The following TMEM132D variants were observed in gnomAD, a reference collection of about 807,000 sequenced individuals.
TMEM132D encodes the protein transmembrane protein 132D, also known as mature OL transmembrane protein.
A neutral mutation model predicts 62.3 loss-of-function variants in TMEM132D; 21 were observed. The observed-to-expected ratio is 0.34, with a 90% CI of 0.24 to 0.49. The LOEUF (loss-of-function observed/expected upper bound fraction) is 0.49, where lower values mean the gene tolerates loss of function less well. Among genes scored for constraint, TMEM132D ranks in the 20% least tolerant of loss-of-function variants. The pLI, the probability that TMEM132D is intolerant of heterozygous loss-of-function variation, is 0.99. For synonymous variants in TMEM132D, 621 were observed against 575.6 expected (o/e 1.08, Z -1.13); for missense variants, 1,346 against 1,402.8 (o/e 0.96, Z 0.65).
At position 129,156,903 on chromosome 12, in the gene TMEM132D, G is replaced by A. The variant is rs919496875; in HGVS notation, c.1443+52617C>T. Among the ~76,000 whole-genome samples the A allele has an allele frequency of 4.6e-5, 7 of 151,850 alleles. No individual in the cohort carries two copies. The East Asian group carries it at 1.4e-3, about 29-fold the overall frequency. On this transcript the variant is annotated intron_variant, in intron 5 of 8. Coordinates refer to ENST00000422113, the MANE Select transcript of TMEM132D (RefSeq NM_133448.3). ...CCTGAGATAAATAACCCACTCCTGA[G>A]ATCATTAACACACTCCCCAAATAAC...
At chr12:129,325,997 C>G (rs79859453) in intron 4 of TMEM132D, among the ~76,000 whole-genome samples, 1 of 152,134 alleles carries the variant, frequency 6.6e-6, no homozygotes, top group East Asian at 1.9e-4. Flanking sequence ...GGAGGCCCCC[C>G]GGGACTCTGA....
chr12:129,513,798 T>TTTTA (rs1225923627), intron 3 of TMEM132D, among the ~76,000 whole-genome samples: 4 of 140,752 alleles, frequency 2.8e-5, no homozygotes, highest in East Asian at 2.1e-4. Flanking sequence ...GGGGACCAAT[T>TTTTA]TTTATTTTTA....
chr12:129,158,762 T>G (rs565988759), intron 5 of TMEM132D, among the ~76,000 whole-genome samples: 1 of 152,308 alleles, frequency 6.6e-6, no homozygotes, highest in African/African-American at 2.4e-5. Flanking sequence ...ATGAGTCTAT[T>G]TTCACAATGC....
chr12:129,709,460 C>T (rs899089795), intron 1 of TMEM132D, among the ~76,000 whole-genome samples: 2 of 152,166 alleles, frequency 1.3e-5, no homozygotes, highest in South Asian at 2.1e-4. Context: ...TCTTATGAGA[C>T]TGTAAAAAAC....
chr12:129,583,249 T>C (rs897840520), intron 2 of TMEM132D, among the ~76,000 whole-genome samples: 3 of 152,234 alleles, frequency 2.0e-5, no homozygotes, highest in African/African-American at 7.2e-5. Flanking sequence ...CTATGTACTC[T>C]ATGATTACCT....
intron 3 of TMEM132D, among the ~76,000 whole-genome samples, chr12:129,505,667 G>C (rs779664592): frequency 6.6e-6 from 1 of 152,112 alleles, no homozygotes; most frequent in Non-Finnish European, 1.5e-5. Context: ...TCATTTATTA[G>C]GTCTAGTAGT....
At chr12:129,575,185 G>T (rs1052631241) in intron 2 of TMEM132D, among the ~76,000 whole-genome samples, 1 of 151,754 alleles carries the variant, frequency 6.6e-6, no homozygotes, top group Non-Finnish European at 1.5e-5. Flanking sequence ...TAGCTTACTT[G>T]ATTCTAAGAA....
chr12:129,722,749 T>TG (rs1318582062), intron 1 of TMEM132D, among the ~76,000 whole-genome samples: 1 of 150,332 alleles, frequency 6.7e-6, no homozygotes. Flanking sequence ...TTTCTTTTTT[T>TG]TTTTTTTTGA....
chr12:129,146,878 T>A (rs549544207), intron 5 of TMEM132D, among the ~76,000 whole-genome samples: 63 of 152,290 alleles, frequency 4.1e-4, no homozygotes, highest in African/African-American at 1.5e-3. Flanking sequence ...ACTGCTGTTA[T>A]CTTCATTCTA....
intron 4 of TMEM132D, among the ~76,000 whole-genome samples, chr12:129,265,948 A>G (rs1038485742): frequency 1.4e-4 from 21 of 152,096 alleles, no homozygotes; most frequent in African/African-American, 4.3e-4. Flanking sequence ...AAGCACTGCA[A>G]TGGGGGACCT....
At chr12:129,403,940 C>T (rs886873851) in intron 3 of TMEM132D, among the ~76,000 whole-genome samples, 1 of 151,984 alleles carries the variant, frequency 6.6e-6, no homozygotes, top group Non-Finnish European at 1.5e-5. Context: ...TTGGCATGTG[C>T]TTTGCGTGTT....
At chr12:129,553,089 C>A (rs558245865) in intron 2 of TMEM132D, among the ~76,000 whole-genome samples, 1 of 152,190 alleles carries the variant, frequency 6.6e-6, no homozygotes, top group African/African-American at 2.4e-5. Context: ...GGTTACTCAA[C>A]CTTTCAAGGC....
chr12:129,694,605 C>G (rs1593123112), intron 2 of TMEM132D, among the ~76,000 whole-genome samples: 1 of 152,216 alleles, frequency 6.6e-6, no homozygotes, highest in East Asian at 1.9e-4. Context: ...TCATAGACTG[C>G]TGAGTGTTCA....
At chr12:129,529,364 G>A (rs927909883) in intron 3 of TMEM132D, among the ~76,000 whole-genome samples, 6 of 152,238 alleles carry the variant, frequency 3.9e-5, no homozygotes, top group Non-Finnish European at 8.8e-5. Flanking sequence ...GATGTCCTCT[G>A]AATGTGCTGA....
intron 5 of TMEM132D, among the ~76,000 whole-genome samples, chr12:129,125,499 AGTTTTTTT>A (rs1378852891): frequency 1.6e-5 from 2 of 127,834 alleles, no homozygotes; most frequent in African/African-American, 3.0e-5. Flanking sequence ...AATTACTATG[AGTTTTTTT>A]TTTTTTTTTT....
intron 4 of TMEM132D, among the ~76,000 whole-genome samples, chr12:129,211,696 T>C (rs567157559): frequency 6.6e-6 from 1 of 152,328 alleles, no homozygotes; most frequent in Non-Finnish European, 1.5e-5. Flanking sequence ...GACTCCAATT[T>C]GGAATGCTCC....
intron 3 of TMEM132D, among the ~76,000 whole-genome samples, chr12:129,436,591 G>T (rs939999746): frequency 2.0e-5 from 3 of 152,038 alleles, no homozygotes; most frequent in African/African-American, 7.2e-5. Context: ...ACTTCTGAGT[G>T]GTATTTAAAC....
intron 4 of TMEM132D, among the ~76,000 whole-genome samples, chr12:129,323,978 C>A (rs1868813274): frequency 6.6e-6 from 1 of 151,876 alleles, no homozygotes; most frequent in Non-Finnish European, 1.5e-5. Context: ...ACCTCCTTCA[C>A]CCAAAATTCC....
intron 2 of TMEM132D, among the ~76,000 whole-genome samples, chr12:129,626,098 A>C (rs537207415): frequency 6.6e-6 from 1 of 152,210 alleles, no homozygotes; most frequent in South Asian, 2.1e-4. Context: ...GGGAAAAAAA[A>C]AAAAGCTCCA....
Sources: allele counts gnomAD v4.1 joint callset (sites outside exome capture counted in the v4.1 genomes callset), GRCh38; gene constraint gnomAD v4.1.1; transcripts MANE v1.5; gene names NCBI Gene and HGNC (gene_info 2026-07-23, HGNC 2026-07-21).